EFCAB9: variants seen among roughly 807,000 people sequenced by gnomAD.
EFCAB9 encodes EF-hand calcium-binding domain-containing protein 9.
In EFCAB9, 16 loss-of-function variants were observed where a neutral mutation model predicts 15.6. That is an observed-to-expected ratio of 1.03 (90% CI 0.69 to 1.56). The LOEUF (loss-of-function observed/expected upper bound fraction) is 1.56. Ranked by LOEUF, EFCAB9 falls within the 40% of genes most tolerant of loss-of-function variation. The pLI is 0.00. For missense variants in EFCAB9, 208 were observed against 235.4 expected (o/e 0.88, Z 0.76); for synonymous variants, 76 against 85.4 (o/e 0.89, Z 0.61).
At chr5:172,199,919 C>T in intron 2 of EFCAB9, among the ~76,000 whole-genome samples, 1 of 145,574 alleles carries the variant, frequency 6.9e-6, no homozygotes, top group Non-Finnish European at 1.5e-5. Context: ...CCAGTATGTA[C>T]TTACCCAGTT....
chr5:172,201,828 G>C (rs982142171), intron 3 of EFCAB9, among the ~76,000 whole-genome samples: 2 of 152,130 alleles, frequency 1.3e-5, no homozygotes, highest in South Asian at 4.1e-4. Flanking sequence ...GGGCAACATA[G>C]TGAGATCCTG....
At chr5:172,200,482 G>T in intron 2 of EFCAB9, 84 bp from the exon 3 acceptor site, 16 of 1,351,856 alleles carry the variant, frequency 1.2e-5, no homozygotes, top group Non-Finnish European at 1.6e-5. Context: ...GGAAGGGGCT[G>T]GTGAAGATAT....
chr5:172,195,187 T>TAAATAAATAAATAA (rs1771139716), intron 1 of EFCAB9, among the ~76,000 whole-genome samples: 2 of 99,154 alleles, frequency 2.0e-5, no homozygotes, highest in African/African-American at 7.6e-5. Flanking sequence ...TAAATAAAAA[T>TAAATAAATAAATAA]AAATAAATAA....
chr5:172,198,656 G>A (rs952481513), intron 1 of EFCAB9, among the ~76,000 whole-genome samples: 3 of 152,116 alleles, frequency 2.0e-5, no homozygotes, highest in Admixed American at 1.3e-4. Flanking sequence ...TTGGTCTGTC[G>A]CCCAGGCTGG....
At position 172,196,389 on chromosome 5, in the gene EFCAB9, CT is replaced by C. The variant is rs557468567; in HGVS notation, c.136+2095del. On this transcript the variant is annotated intron_variant, in intron 1 of 3. Coordinates refer to ENST00000398186, the MANE Select transcript of EFCAB9 (RefSeq NM_001171183.2). ...TTTTACCTATTCAGTGGAGACATTT[CT>C]TTTTTTTTTTTTTGAGACGGAGTTT... Among the ~76,000 whole-genome samples, 927 of 142,538 alleles carry C rather than the reference CT, an allele frequency of 6.5e-3. 6 individuals are homozygous for C. Among genetic ancestry groups the C allele is most frequent in the African/African-American group, 0.019 (732 of 39,556 alleles). 93.5% of individuals were successfully genotyped at this position (142,538 alleles called of 152,430 possible). A position where few individuals can be genotyped will look rare whatever the true frequency, so the allele number is the denominator to read the frequency against.
At position 172,203,391 on chromosome 5, in the gene EFCAB9, A is replaced by C. The variant is rs997401687; in HGVS notation, c.*46A>C. The C allele has an allele frequency of 1.3e-6, 2 of 1,513,210 alleles. No homozygotes were observed. The highest frequency in any genetic ancestry group is 1.4e-5 in the African/African-American group (1 of 71,420). The allele number at this position is 1,513,210 out of a possible 1,614,324, so 93.7% of individuals were successfully genotyped here. On this transcript the variant is annotated 3_prime_UTR_variant, in exon 4 of 4. Coordinates refer to ENST00000398186, the MANE Select transcript of EFCAB9 (RefSeq NM_001171183.2). ...GGAAAAAAATGGGATCTGAAAGTACAGAACATGAACATTGATGAAGACTGT... is the reference window on the plus strand; with the variant it reads ...GGAAAAAAATGGGATCTGAAAGTACCGAACATGAACATTGATGAAGACTGT...
chr5:172,200,565 G>T lies in EFCAB9; in HGVS notation c.286-1G>T, dbSNP rs917638708. On this transcript the variant is annotated splice_acceptor_variant, in intron 2 of 3. Coordinates refer to ENST00000398186, the MANE Select transcript of EFCAB9 (RefSeq NM_001171183.2). LOFTEE classifies it high-confidence loss of function. ...CATCTCACCTATTTCTCTCGCAATA[G>T]AACCATTTGGAAGGACAGTTTATGT... The T allele has an allele frequency of 5.2e-6, 8 of 1,534,932 alleles. No homozygotes were observed. In the Admixed American group the frequency reaches 1.2e-4, roughly 23 times the overall value.
rs567745882 is a variant in EFCAB9, at chr5:172,200,562, A to G, written c.286-4A>G. On this transcript the variant is annotated splice_region_variant and splice_polypyrimidine_tract_variant and intron_variant, in intron 2 of 3. Transcript: ENST00000398186. Reference sequence around the variant, plus strand: ...GCTCATCTCACCTATTTCTCTCGCAATAGAACCATTTGGAAGGACAGTTTA... The same window carrying G: ...GCTCATCTCACCTATTTCTCTCGCAGTAGAACCATTTGGAAGGACAGTTTA... 2.0e-6 allele frequency: 3 copies of G among 1,534,918 alleles called. No individual in the cohort carries two copies. In the African/African-American group the frequency reaches 4.1e-5, roughly 21 times the overall value.
In EFCAB9 at chr5:172,200,489, A is replaced by C. The variant is rs563096796; in HGVS notation, c.286-77A>C. ...CTCTCTAGGGAAGGGGCTGGTGAAG[A>C]TATGTCTTGAGGAAACAAGTTTAGA... On this transcript the variant is annotated intron_variant, in intron 2 of 3. Coordinates refer to ENST00000398186, the MANE Select transcript of EFCAB9 (RefSeq NM_001171183.2). 143 of 1,392,754 alleles carry C rather than the reference A, an allele frequency of 1.0e-4. No individual in the cohort carries two copies. The South Asian group carries it at 1.9e-3, about 18-fold the overall frequency. 86.3% of individuals were successfully genotyped at this position (1,392,754 alleles called of 1,614,324 possible).
chr5:172,198,939 A>G (rs139350634), intron 1 of EFCAB9, among the ~76,000 whole-genome samples: 1 of 152,308 alleles, frequency 6.6e-6, no homozygotes, highest in Admixed American at 6.5e-5. Context: ...TGTATTCCTC[A>G]TTTTAATTAT....
At chr5:172,200,226 C>A (rs1419125761) in intron 2 of EFCAB9, among the ~76,000 whole-genome samples, 1 of 152,052 alleles carries the variant, frequency 6.6e-6, no homozygotes, top group Non-Finnish European at 1.5e-5. Context: ...CGCCTCAGTT[C>A]CCATTTTTTT....
In EFCAB9 at chr5:172,200,593, C is replaced by T. The variant is rs768660153; in HGVS notation, c.313C>T (p.Arg105Cys). ...QNHLEGQFMY[R>C]HSRPVFDLLD... ...CCATTTGGAAGGACAGTTTATGTAT[C>T]GTCATTCCCGGCCTGTCTTTGACCT... is the stretch of plus-strand genomic sequence containing the variant. The change falls in exon 3 of 4, where the codon CGT (arginine) becomes TGT (cysteine). Residue 105 changes from arginine (R) to cysteine (C), a missense_variant. Arg to Cys is a radical substitution (Grantham distance 180). Transcript: ENST00000398186. 7.2e-6 allele frequency: 11 copies of T among 1,536,824 alleles called. No homozygotes were observed. The highest frequency in any genetic ancestry group is 1.2e-5 in the South Asian group (1 of 84,026).
chr5:172,202,515 C>T (rs930406867), intron 3 of EFCAB9, among the ~76,000 whole-genome samples: 4 of 152,018 alleles, frequency 2.6e-5, no homozygotes, highest in African/African-American at 9.7e-5. Flanking sequence ...CAAGATCAGC[C>T]TGGCCAACAT....
intron 1 of EFCAB9, among the ~76,000 whole-genome samples, chr5:172,196,245 A>T (rs1261593316): frequency 6.6e-6 from 1 of 152,198 alleles, no homozygotes; most frequent in African/African-American, 2.4e-5. Context: ...TCATATCCAG[A>T]GAGGCGTGGA....
intron 1 of EFCAB9, among the ~76,000 whole-genome samples, chr5:172,198,761 G>C (rs1374740838): frequency 6.6e-6 from 1 of 152,062 alleles, no homozygotes; most frequent in Non-Finnish European, 1.5e-5. Flanking sequence ...GACTACAGGT[G>C]TGTGCCACCA....
At chr5:172,195,159 A>AATAC in intron 1 of EFCAB9, among the ~76,000 whole-genome samples, 1 of 144,654 alleles carries the variant, frequency 6.9e-6, no homozygotes, top group East Asian at 1.9e-4. Context: ...ACCAAAAATA[A>AATAC]ATAAATAAAT....
chr5:172,202,284 T>A (rs1196458837), intron 3 of EFCAB9, among the ~76,000 whole-genome samples: 10 of 127,836 alleles, frequency 7.8e-5, no homozygotes, highest in African/African-American at 3.2e-4. Flanking sequence ...GAGCTTGCAG[T>A]GAGCCGAGAT....
intron 1 of EFCAB9, among the ~76,000 whole-genome samples, chr5:172,194,857 C>T (rs1161632061): frequency 6.6e-6 from 1 of 151,968 alleles, no homozygotes; most frequent in African/African-American, 2.4e-5. Flanking sequence ...AACACGTCAT[C>T]GCCCTCTCTA....
Position 172,199,532 on chromosome 5 carries a change from G to C in EFCAB9, c.285+1G>C. The C allele has an allele frequency of 6.5e-7, 1 of 1,537,000 alleles. No homozygotes were observed. The highest frequency in any genetic ancestry group is 8.7e-7 in the Non-Finnish European group (1 of 1,146,798). Reference sequence around the variant, plus strand: ...GGTGTGCATGCTGCTGGCCCACCAGGCAAGTAGCCGCGCGGCTGCTGCCAT... The same window carrying C: ...GGTGTGCATGCTGCTGGCCCACCAGCCAAGTAGCCGCGCGGCTGCTGCCAT... On this transcript the variant is annotated splice_donor_variant, in intron 2 of 3. Coordinates refer to ENST00000398186, the MANE Select transcript of EFCAB9 (RefSeq NM_001171183.2). LOFTEE classifies it high-confidence loss of function.
Sources: gnomAD v4.1 joint callset for allele counts (sites outside exome capture counted in the v4.1 genomes callset) on GRCh38, gnomAD v4.1.1 for gene constraint, MANE v1.5 for transcripts, NCBI Gene and HGNC (gene_info 2026-07-23, HGNC 2026-07-21) for gene names.